The following JAKMIP2 variants were observed in gnomAD, a reference collection of about 807,000 sequenced individuals.
JAKMIP2 encodes the protein janus kinase and microtubule interacting protein 2.
A neutral mutation model predicts 115.0 loss-of-function variants in JAKMIP2; 25 were observed. That is an observed-to-expected ratio of 0.22 (90% confidence interval 0.16 to 0.30). The LOEUF (loss-of-function observed/expected upper bound fraction) is 0.30, where lower values mean the gene tolerates loss of function less well. Ranked by LOEUF, JAKMIP2 falls within the 10% of genes least tolerant of loss-of-function variation. JAKMIP2 has a pLI of 1.00. For missense variants in JAKMIP2, 642 were observed against 957.6 expected (o/e 0.67, Z 4.35); for synonymous variants, 334 against 343.6 (o/e 0.97, Z 0.31).
At chr5:147,622,361 G>A (rs1756894763) in intron 17 of JAKMIP2, among the ~76,000 whole-genome samples, 1 of 152,174 alleles carries the variant, frequency 6.6e-6, no homozygotes, top group Admixed American at 6.5e-5. Flanking sequence ...CCAATGTACA[G>A]AATTTTTCAT....
chr5:147,744,606 A>T (rs1480809248), intron 1 of JAKMIP2, among the ~76,000 whole-genome samples: 1 of 152,250 alleles, frequency 6.6e-6, no homozygotes, highest in Non-Finnish European at 1.5e-5. Context: ...TAATTACAGC[A>T]TTTATTATAT....
intron 1 of JAKMIP2, among the ~76,000 whole-genome samples, chr5:147,720,899 C>T (rs1333129039): frequency 8.5e-5 from 13 of 152,236 alleles, no homozygotes; most frequent in Admixed American, 5.9e-4. Flanking sequence ...TGAGGAACTG[C>T]ATTCCTTTGG....
At position 147,587,093 on chromosome 5, in the gene JAKMIP2, A is replaced by G. The variant is rs555434884; in HGVS notation, c.*4614T>C. ...GCCTGAAATTAGATCTCAAGATACT[A>G]CATTATATAGAAATGACAAGGCAGT... On this transcript the variant is annotated 3_prime_UTR_variant, in exon 22 of 22. Coordinates refer to ENST00000616793, the MANE Select transcript of JAKMIP2 (RefSeq NM_001270941.2). The G allele has an allele frequency of 6.6e-6, 1 of 152,252 alleles. No homozygotes were observed. Among genetic ancestry groups the G allele is most frequent in the South Asian group, 2.1e-4 (1 of 4,826 alleles). 9.4% of individuals were successfully genotyped at this position (152,252 alleles called of 1,614,324 possible). A position where few individuals can be genotyped will look rare whatever the true frequency, so the allele number is the denominator to read the frequency against.
intron 12 of JAKMIP2, among the ~76,000 whole-genome samples, chr5:147,633,098 A>T (rs1040915016): frequency 6.6e-6 from 1 of 152,156 alleles, no homozygotes; most frequent in Admixed American, 6.5e-5. Flanking sequence ...ACTAGAACCA[A>T]ATTTAATGGT....
At chr5:147,750,561 T>TACACACACAC (rs151015424) in intron 1 of JAKMIP2, among the ~76,000 whole-genome samples, 5,497 of 142,798 alleles carry the variant, frequency 0.038, 185 homozygotes, top group African/African-American at 0.094. Flanking sequence ...TGCCAGAAAA[T>TACACACACAC]ACACACACAC....
At chr5:147,751,724 C>A (rs775104108) in intron 1 of JAKMIP2, among the ~76,000 whole-genome samples, 1 of 151,962 alleles carries the variant, frequency 6.6e-6, no homozygotes, top group Non-Finnish European at 1.5e-5. Context: ...TCTTTCTGGT[C>A]GAAAAAGTTT....
chr5:147,693,992 C>T (rs923889412), intron 1 of JAKMIP2, among the ~76,000 whole-genome samples: 5 of 152,134 alleles, frequency 3.3e-5, no homozygotes, highest in South Asian at 2.1e-4. Context: ...GTGAAGTTTA[C>T]GATGGACACT....
chr5:147,603,366 C>T (rs1315127075), intron 20 of JAKMIP2, among the ~76,000 whole-genome samples: 1 of 152,122 alleles, frequency 6.6e-6, no homozygotes, highest in African/African-American at 2.4e-5. Context: ...ATGGTGCATA[C>T]AGATATTATG....
rs1461702757 is a variant in JAKMIP2, at chr5:147,737,548, A to T, written c.-149+44908T>A. ...ACAATGAAAGCAATCAAGCTGTGAC[A>T]GACCTCCAGGTTTAGCTATTTAAAA... is the stretch of plus-strand genomic sequence containing the variant. On this transcript the variant is annotated intron_variant, in intron 1 of 21. Transcript: ENST00000616793. Among the ~76,000 whole-genome samples the T allele has an allele frequency of 3.9e-5, 6 of 152,216 alleles. No homozygotes were observed. The East Asian group carries it at 5.8e-4, about 15-fold the overall frequency.
intron 1 of JAKMIP2, among the ~76,000 whole-genome samples, chr5:147,702,553 G>GAAGAAAGAAAGAAAGAAAGAAAGAAAGA (rs140762384): frequency 4.8e-5 from 5 of 104,166 alleles, no homozygotes; most frequent in African/African-American, 2.2e-4. Context: ...GACAAAGAAA[G>GAAGAAAGAAAGAAAGAAAGAAAGAAAGA]AAGAAAGAAA....
At chr5:147,773,049 T>C (rs1755424208) in intron 1 of JAKMIP2, among the ~76,000 whole-genome samples, 1 of 152,152 alleles carries the variant, frequency 6.6e-6, no homozygotes, top group Non-Finnish European at 1.5e-5. Flanking sequence ...CAGATATCCT[T>C]GTTATTAGGA....
chr5:147,745,434 T>A (rs2127006044), intron 1 of JAKMIP2, among the ~76,000 whole-genome samples: 1 of 152,310 alleles, frequency 6.6e-6, no homozygotes, highest in East Asian at 1.9e-4. Context: ...TATCTCTGTA[T>A]CATCACTGTA....
chr5:147,634,004 T>G (rs1163760227), intron 12 of JAKMIP2, among the ~76,000 whole-genome samples: 1 of 152,196 alleles, frequency 6.6e-6, no homozygotes, highest in African/African-American at 2.4e-5. Context: ...TCTTTGGCTT[T>G]TAAGGGATCA....
intron 1 of JAKMIP2, among the ~76,000 whole-genome samples, chr5:147,765,439 G>A (rs562356093): frequency 6.6e-6 from 1 of 152,148 alleles, no homozygotes; most frequent in East Asian, 1.9e-4. Context: ...AGCCCTGCTG[G>A]TCTTCACTTG....
chr5:147,696,547 T>C (rs1443479217), intron 1 of JAKMIP2, among the ~76,000 whole-genome samples: 5 of 152,206 alleles, frequency 3.3e-5, no homozygotes, highest in South Asian at 2.1e-4. Context: ...GGTATTTCTT[T>C]ACAGCAGTGT....
At chr5:147,776,265 A>T (rs1470611789) in intron 1 of JAKMIP2, among the ~76,000 whole-genome samples, 4 of 152,094 alleles carry the variant, frequency 2.6e-5, no homozygotes, top group African/African-American at 7.2e-5. Flanking sequence ...CGTGGGAGGG[A>T]CCCAGAGGGA....
intron 21 of JAKMIP2, among the ~76,000 whole-genome samples, chr5:147,593,824 C>T (rs1244195861): frequency 1.3e-5 from 2 of 152,126 alleles, no homozygotes; most frequent in Non-Finnish European, 2.9e-5. Context: ...CAACATTCTC[C>T]TATTCCATGG....
At position 147,585,849 on chromosome 5, in the gene JAKMIP2, T is replaced by A. The variant is rs1325818677; in HGVS notation, c.*5858A>T. 1 of 152,038 alleles carries A rather than the reference T, an allele frequency of 6.6e-6. No individual in the cohort carries two copies. The highest frequency in any genetic ancestry group is 1.5e-5 in the Non-Finnish European group (1 of 68,022). 9.4% of individuals were successfully genotyped at this position (152,038 alleles called of 1,614,324 possible). Reference sequence around the variant, plus strand: ...ATACTTGAGTCCCCAAAGTATTGGATCTTGAAGGCTAAAACATGCATGAAC... The same window carrying A: ...ATACTTGAGTCCCCAAAGTATTGGAACTTGAAGGCTAAAACATGCATGAAC... On this transcript the variant is annotated 3_prime_UTR_variant, in exon 22 of 22. Coordinates refer to ENST00000616793, the MANE Select transcript of JAKMIP2 (RefSeq NM_001270941.2).
chr5:147,727,262 C>T (rs1753554759), intron 1 of JAKMIP2, among the ~76,000 whole-genome samples: 2 of 152,204 alleles, frequency 1.3e-5, no homozygotes, highest in South Asian at 4.1e-4. Flanking sequence ...TTGGTTTCAC[C>T]TGTGAGTTTA....
Sources: allele counts gnomAD v4.1 joint callset (sites outside exome capture counted in the v4.1 genomes callset), GRCh38; gene constraint gnomAD v4.1.1; transcripts MANE v1.5; gene names NCBI Gene and HGNC (gene_info 2026-07-23, HGNC 2026-07-21).